CNTNAP2: variants seen among roughly 807,000 people sequenced by gnomAD.
CNTNAP2 encodes the protein contactin associated protein 2.
A neutral mutation model predicts 155.2 loss-of-function variants in CNTNAP2; 98 were observed. That is an observed-to-expected ratio of 0.63 (90% CI 0.54 to 0.75). CNTNAP2 has a LOEUF of 0.75. Ranked by LOEUF, CNTNAP2 falls within the 30% of genes least tolerant of loss-of-function variation. CNTNAP2 has a pLI of 0.00. For missense variants in CNTNAP2, 1,727 were observed against 1,688.1 expected, an observed-to-expected ratio of 1.02 and a Z score of -0.40; for synonymous variants, 651 against 631.2, an observed-to-expected ratio of 1.03 and a Z score of -0.47.
At chr7:146,505,259 A>G (rs1386353248) in intron 1 of CNTNAP2, among the ~76,000 whole-genome samples, 1 of 152,192 alleles carries the variant, frequency 6.6e-6, no homozygotes, top group African/African-American at 2.4e-5. Context: ...CACATTGGTC[A>G]ACTCATCGTA....
chr7:146,775,872 A>G (rs1458460712), intron 2 of CNTNAP2, among the ~76,000 whole-genome samples: 1 of 152,016 alleles, frequency 6.6e-6, no homozygotes, highest in African/African-American at 2.4e-5. Flanking sequence ...TACACAAGCA[A>G]AGGTAGAGGA....
chr7:146,834,669 G>T (rs956977805), intron 2 of CNTNAP2, among the ~76,000 whole-genome samples: 3 of 152,140 alleles, frequency 2.0e-5, no homozygotes, highest in Non-Finnish European at 4.4e-5. Context: ...AGATGTTTTA[G>T]GCACTATTAT....
chr7:146,248,254 G>A (rs1799696694), intron 1 of CNTNAP2, among the ~76,000 whole-genome samples: 1 of 151,964 alleles, frequency 6.6e-6, no homozygotes, highest in Non-Finnish European at 1.5e-5. Flanking sequence ...TTGCCGCTCA[G>A]GGTGAAGGAG....
At position 147,003,871 on chromosome 7, in the gene CNTNAP2, A is replaced by T. The variant is rs867860300; in HGVS notation, c.403-40036A>T. ...TAGTGAGCCCCCATATTTACAAATA[A>T]TTTTTTAAAAATTATCCAGGCATGA... On this transcript the variant is annotated intron_variant, in intron 3 of 23. Coordinates refer to ENST00000361727, the MANE Select transcript of CNTNAP2 (RefSeq NM_014141.6). 3.9e-5 allele frequency among the ~76,000 whole-genome samples: 6 copies of T among 152,026 alleles called. No homozygotes were observed. In the Middle Eastern group the frequency reaches 0.01, roughly 259 times the overall value.
intron 1 of CNTNAP2, among the ~76,000 whole-genome samples, chr7:146,607,518 C>G (rs1157958220): frequency 2.0e-5 from 3 of 151,942 alleles, no homozygotes; most frequent in Admixed American, 1.3e-4. Flanking sequence ...TTTCTGTCAC[C>G]CAGACTGGAG....
chr7:147,472,225 T>G (rs1798237172), intron 10 of CNTNAP2, among the ~76,000 whole-genome samples: 1 of 67,574 alleles, frequency 1.5e-5, no homozygotes, highest in Non-Finnish European at 2.9e-5. Flanking sequence ...TTTTTTTTTT[T>G]TTTTTGAGAC....
At chr7:146,738,691 T>A (rs78048733) in intron 1 of CNTNAP2, among the ~76,000 whole-genome samples, 7,283 of 152,012 alleles carry the variant, frequency 0.048, 253 homozygotes, top group Non-Finnish European at 0.066. Flanking sequence ...GATTTTTGTA[T>A]ATGGTGTGAG....
At chr7:147,374,692 G>A (rs1016969717) in intron 9 of CNTNAP2, among the ~76,000 whole-genome samples, 7 of 152,024 alleles carry the variant, frequency 4.6e-5, no homozygotes, top group Non-Finnish European at 7.4e-5. Context: ...CTCCAGAGGA[G>A]GAGCCGGTAG....
chr7:147,587,624 C>T (rs1800655632), intron 12 of CNTNAP2, among the ~76,000 whole-genome samples: 1 of 152,108 alleles, frequency 6.6e-6, no homozygotes, highest in Non-Finnish European at 1.5e-5. Flanking sequence ...ATCATTTATC[C>T]AAAAGCAACA....
chr7:148,311,553 G>A lies in CNTNAP2; in HGVS notation c.3475+44427G>A, dbSNP rs150001681. Among the ~76,000 whole-genome samples the A allele has an allele frequency of 8.0e-3, 1,213 of 152,290 alleles. 12 individuals are homozygous for A. Among genetic ancestry groups the A allele is most frequent in the African/African-American group, 0.027 (1,140 of 41,540 alleles). The stretch of plus-strand genomic sequence containing the variant: ...CAAAGATCATCTATCCACTCTAAGA[G>A]GGAGTTAAGAGTTGCCAGTCCTGGG... On this transcript the variant is annotated intron_variant, in intron 21 of 23. Transcript: ENST00000361727.
chr7:147,949,459 T>TATATATATATATATATATATA (rs1554453475), intron 14 of CNTNAP2, among the ~76,000 whole-genome samples: 66 of 129,790 alleles, frequency 5.1e-4, no homozygotes, highest in East Asian at 3.2e-3. Context: ...TATATATATA[T>TATATATATATATATATATATA]TTTTTTTTTT....
intron 12 of CNTNAP2, among the ~76,000 whole-genome samples, chr7:147,580,570 T>A (rs935280323): frequency 6.6e-6 from 1 of 152,132 alleles, no homozygotes; most frequent in Non-Finnish European, 1.5e-5. Context: ...TATTGCTGTC[T>A]ATTTCCATCG....
At chr7:148,035,535 T>C (rs1802558115) in intron 15 of CNTNAP2, among the ~76,000 whole-genome samples, 1 of 152,168 alleles carries the variant, frequency 6.6e-6, no homozygotes, top group South Asian at 2.1e-4. Flanking sequence ...TAATCTTTGG[T>C]GGTACCTATA....
intron 15 of CNTNAP2, among the ~76,000 whole-genome samples, chr7:148,017,936 T>A (rs1802208329): frequency 6.6e-6 from 1 of 152,246 alleles, no homozygotes; most frequent in Non-Finnish European, 1.5e-5. Flanking sequence ...TTTTTATCTT[T>A]GTTAAAGGCA....
chr7:146,883,867 T>C (rs1415862012), intron 3 of CNTNAP2, among the ~76,000 whole-genome samples: 1 of 152,142 alleles, frequency 6.6e-6, no homozygotes, highest in African/African-American at 2.4e-5. Context: ...AGAATGTTAA[T>C]GTAAGTTGTT....
At chr7:148,218,899 A>C (rs1016737996) in intron 19 of CNTNAP2, among the ~76,000 whole-genome samples, 4 of 151,776 alleles carry the variant, frequency 2.6e-5, no homozygotes, top group African/African-American at 9.7e-5. Flanking sequence ...TTCCTCTCTG[A>C]AAATGAACTC....
At chr7:147,281,428 T>C (rs945529604) in intron 8 of CNTNAP2, among the ~76,000 whole-genome samples, 2 of 151,820 alleles carry the variant, frequency 1.3e-5, no homozygotes, top group African/African-American at 2.4e-5. Context: ...TTTGATGTAG[T>C]CATATTGTCT....
rs186830261 is a variant in CNTNAP2 at position 146,369,771 on chromosome 7, A to G, written c.97+252798A>G. On this transcript the variant is annotated intron_variant, in intron 1 of 23. Coordinates refer to ENST00000361727, the MANE Select transcript of CNTNAP2 (RefSeq NM_014141.6). ...TTTTTTACTGATTTTTGATGCCCCT[A>G]TCTTGTTAAGAAAATAATATTTTTA... is the stretch of plus-strand genomic sequence containing the variant. Among the ~76,000 whole-genome samples the G allele has an allele frequency of 2.9e-3, 447 of 152,194 alleles. 2 individuals carry two copies. Among genetic ancestry groups the G allele is most frequent in the African/African-American group, 7.2e-3 (299 of 41,552 alleles).
rs533333418 is a variant in CNTNAP2, at chr7:146,579,795, A to G, written c.98-194476A>G. Among the ~76,000 whole-genome samples the G allele has an allele frequency of 2.0e-5, 3 of 152,266 alleles. No individual in the cohort carries two copies. The South Asian group carries it at 6.2e-4, about 32-fold the overall frequency. On this transcript the variant is annotated intron_variant, in intron 1 of 23. Coordinates refer to ENST00000361727, the MANE Select transcript of CNTNAP2 (RefSeq NM_014141.6). ...AATAAGATGTAAGTTTTGGTGCCTC[A>G]GTGTCATATAATGTAAAGGTATTTA...
Sources: gnomAD v4.1 joint callset for allele counts (sites outside exome capture counted in the v4.1 genomes callset) on GRCh38, gnomAD v4.1.1 for gene constraint, MANE v1.5 for transcripts, NCBI Gene and HGNC (gene_info 2026-07-23, HGNC 2026-07-21) for gene names.